Variants in RAPGEF2 observed in about 807,000 individuals in gnomAD.
RAPGEF2 encodes the protein Rap guanine nucleotide exchange factor 2.
Under a neutral mutation model 186.7 loss-of-function variants are expected in RAPGEF2, and 54 were observed. The ratio of observed to expected loss-of-function variants is 0.29; its 90% CI spans 0.23 to 0.36. The LOEUF is 0.36. Among genes scored for constraint, RAPGEF2 ranks in the 10% least tolerant of loss-of-function variants. The pLI, the probability that RAPGEF2 is intolerant of heterozygous loss-of-function variation, is 1.00. For missense variants in RAPGEF2, 1,532 were observed against 2,045.0 expected, an observed-to-expected ratio of 0.75 and a Z score of 4.84; for synonymous variants, 712 against 705.9, an observed-to-expected ratio of 1.01 and a Z score of -0.14.
chr4:159,159,800 G>T (rs1005772694), intron 1 of RAPGEF2, among the ~76,000 whole-genome samples: 2 of 152,180 alleles, frequency 1.3e-5, no homozygotes, highest in Non-Finnish European at 2.9e-5. Flanking sequence ...TTCTCAACTC[G>T]TATAGCAGCA....
Position 159,342,553 on chromosome 4 carries a change from A to ATATTATTTTATTTTATTTTATTTTATT in RAPGEF2, c.2919-425_2919-424insATTATTTTATTTTATTTTATTTTATTT, listed in dbSNP as rs1561316713. 2.1e-3 allele frequency among the ~76,000 whole-genome samples: 152 copies of ATATTATTTTATTTTATTTTATTTTATT among 71,942 alleles called. 1 individual carries two copies. Among genetic ancestry groups the ATATTATTTTATTTTATTTTATTTTATT allele is most frequent in the Non-Finnish European group, 3.1e-3 (105 of 34,082 alleles). 47.2% of individuals were successfully genotyped at this position (71,942 alleles called of 152,430 possible). A position where few individuals can be genotyped will look rare whatever the true frequency, so the allele number is the denominator to read the frequency against. ...TTTATTTTATTTTATTTTATTTTAT[A>ATATTATTTTATTTTATTTTATTTTATT]TTATTTTATTTTATTTTATTTTATT... On this transcript the variant is annotated intron_variant, in intron 20 of 29. Transcript: ENST00000691494.
intron 3 of RAPGEF2, among the ~76,000 whole-genome samples, chr4:159,206,665 G>A (rs1404821885): frequency 1.3e-5 from 2 of 152,196 alleles, no homozygotes; most frequent in East Asian, 1.9e-4. Flanking sequence ...TACCCCACAC[G>A]GAAACTCTGC....
At chr4:159,201,235 G>A (rs916746100) in intron 3 of RAPGEF2, among the ~76,000 whole-genome samples, 5 of 152,158 alleles carry the variant, frequency 3.3e-5, no homozygotes, top group Non-Finnish European at 7.3e-5. Flanking sequence ...TTTTTAAACT[G>A]TAATAAATCC....
intron 2 of RAPGEF2, 121 bp from the exon 3 acceptor site, chr4:159,193,079 G>A (rs1748281550): frequency 4.5e-6 from 2 of 440,666 alleles, no homozygotes; most frequent in African/African-American, 4.1e-5. Context: ...GCTAATAAAT[G>A]ATTGTGACAA....
intron 19 of RAPGEF2, 53 bp downstream of exon 19, chr4:159,339,407 C>G: frequency 6.4e-7 from 1 of 1,571,460 alleles, no homozygotes; most frequent in East Asian, 2.3e-5. Context: ...GAACCCACAT[C>G]AAAGTCTAAG....
At chr4:159,263,339 T>C (rs1757082741) in intron 7 of RAPGEF2, among the ~76,000 whole-genome samples, 1 of 152,210 alleles carries the variant, frequency 6.6e-6, no homozygotes, top group African/African-American at 2.4e-5. Flanking sequence ...TGCATTGGCT[T>C]AGTGCTTAAT....
intron 4 of RAPGEF2, chr4:159,229,227 T>A (rs532518822): frequency 6.6e-6 from 1 of 152,224 alleles, no homozygotes; most frequent in African/African-American, 2.4e-5. Flanking sequence ...TGTATTCCCT[T>A]GCTGGGTGTA....
chr4:159,258,490 C>T (rs2110731100), intron 7 of RAPGEF2, among the ~76,000 whole-genome samples: 1 of 152,284 alleles, frequency 6.6e-6, no homozygotes, highest in South Asian at 2.1e-4. Context: ...AGGGCAGGCA[C>T]AATTCTATTT....
intron 7 of RAPGEF2, among the ~76,000 whole-genome samples, chr4:159,249,095 C>T (rs1326556882): frequency 1.3e-5 from 2 of 152,184 alleles, no homozygotes; most frequent in African/African-American, 4.8e-5. Context: ...GTCACTTTGT[C>T]TTGCCTCTCC....
chr4:159,320,327 GA>G (rs1765088375), intron 9 of RAPGEF2, among the ~76,000 whole-genome samples: 1 of 152,088 alleles, frequency 6.6e-6, no homozygotes, highest in South Asian at 2.1e-4. Context: ...ATGGTGTTCA[GA>G]ATTGCTTTAC....
At chr4:159,292,403 T>C (rs576461361) in intron 7 of RAPGEF2, among the ~76,000 whole-genome samples, 1 of 152,312 alleles carries the variant, frequency 6.6e-6, no homozygotes, top group East Asian at 1.9e-4. Flanking sequence ...TACTCAGATG[T>C]TACCTAAGCA....
intron 7 of RAPGEF2, among the ~76,000 whole-genome samples, chr4:159,254,194 G>A (rs1755851328): frequency 6.6e-6 from 1 of 152,110 alleles, no homozygotes; most frequent in Non-Finnish European, 1.5e-5. Context: ...TGTGAGTGGT[G>A]GTAAAGAATA....
intron 25 of RAPGEF2, among the ~76,000 whole-genome samples, chr4:159,347,779 T>G (rs1389035151): frequency 2.0e-5 from 3 of 152,220 alleles, no homozygotes; most frequent in Admixed American, 6.5e-5. Flanking sequence ...AGAGCGAGAC[T>G]GTCTCAAAAA....
At chr4:159,259,169 TC>T (rs1756523271) in intron 7 of RAPGEF2, among the ~76,000 whole-genome samples, 2 of 152,208 alleles carry the variant, frequency 1.3e-5, no homozygotes, top group Non-Finnish European at 2.9e-5. Context: ...TCTTTCCCAT[TC>T]CCAATCTATG....
intron 3 of RAPGEF2, among the ~76,000 whole-genome samples, chr4:159,201,669 G>A (rs1319762244): frequency 1.3e-5 from 2 of 152,206 alleles, no homozygotes; most frequent in Non-Finnish European, 2.9e-5. Context: ...TAGAGACTTG[G>A]GAGGGGAACC....
intron 25 of RAPGEF2, 77 bp downstream of exon 25, chr4:159,347,075 T>C: frequency 2.3e-6 from 3 of 1,301,282 alleles, no homozygotes; most frequent in Non-Finnish European, 3.2e-6. Flanking sequence ...AATATTTGTC[T>C]TGGATAACTT....
Position 159,346,833 on chromosome 4 carries a change from T to C in RAPGEF2, c.3547T>C (p.Ser1183Pro). 1.9e-6 allele frequency: 3 copies of C among 1,614,104 alleles called. No homozygotes were observed. Among genetic ancestry groups the C allele is most frequent in the Non-Finnish European group, 2.5e-6 (3 of 1,180,018 alleles). The change falls in exon 25 of 30, where the codon TCT becomes CCT. Residue 1183 changes from serine to proline, a missense_variant. Transcript: ENST00000691494. ...GDKKPVKSET[S>P]PVAPRAGSQQ... ...CAAAAAGCCTGTCAAATCCGAGACC[T>C]CTCCAGTAGCTCCAAGGGCAGGGTC... is the stretch of plus-strand genomic sequence containing the variant.
intron 4 of RAPGEF2, among the ~76,000 whole-genome samples, chr4:159,225,747 T>C (rs1057200935): frequency 6.6e-6 from 1 of 152,174 alleles, no homozygotes; most frequent in Non-Finnish European, 1.5e-5. Flanking sequence ...ATGTTGAGAA[T>C]TTTTTCATGT....
intron 7 of RAPGEF2, among the ~76,000 whole-genome samples, chr4:159,277,850 A>G (rs1335485577): frequency 6.6e-6 from 1 of 152,104 alleles, no homozygotes; most frequent in Non-Finnish European, 1.5e-5. Flanking sequence ...GATAGATTGC[A>G]AAAATTTTCT....
Sources: allele counts gnomAD v4.1 joint callset (sites outside exome capture counted in the v4.1 genomes callset), GRCh38; gene constraint gnomAD v4.1.1; transcripts MANE v1.5; gene names NCBI Gene and HGNC (gene_info 2026-07-23, HGNC 2026-07-21).